TTC39B: variants seen among roughly 807,000 people sequenced by gnomAD.
TTC39B encodes tetratricopeptide repeat protein 39B.
TTC39B carries 92 observed loss-of-function variants against 96.6 expected under a neutral mutation model. The ratio of observed to expected loss-of-function variants is 0.95; its 90% CI spans 0.80 to 1.13. TTC39B has a LOEUF of 1.13. Ranked by LOEUF, TTC39B falls within the 50% of genes most tolerant of loss-of-function variation. The pLI, the probability that TTC39B is intolerant of heterozygous loss-of-function variation, is 0.00. For missense variants in TTC39B, 955 were observed against 809.3 expected (o/e 1.18, Z -2.18); for synonymous variants, 367 against 299.4 (o/e 1.23, Z -2.33).
chr9:15,274,349 T>C (rs1294790124), intron 1 of TTC39B, among the ~76,000 whole-genome samples: 1 of 152,226 alleles, frequency 6.6e-6, no homozygotes, highest in Non-Finnish European at 1.5e-5. Flanking sequence ...ATTTAAACTC[T>C]CCAACTAAAT....
intron 2 of TTC39B, among the ~76,000 whole-genome samples, chr9:15,232,894 G>T (rs541069199): frequency 6.6e-6 from 1 of 152,182 alleles, no homozygotes; most frequent in African/African-American, 2.4e-5. Context: ...GCTGCTGCAG[G>T]GCCAGTGGTG....
At position 15,244,663 on chromosome 9, in the gene TTC39B, T is replaced by G. The variant is rs552505648; in HGVS notation, c.276-18651A>C. Among the ~76,000 whole-genome samples the G allele has an allele frequency of 3.5e-4, 54 of 152,312 alleles. No individual in the cohort carries two copies. The South Asian group carries it at 0.011, about 31-fold the overall frequency. On this transcript the variant is annotated intron_variant, in intron 2 of 19. Coordinates refer to ENST00000512701, the Ensembl canonical transcript of TTC39B. Reference sequence around the variant, plus strand: ...AAGAACTTCCCATTAGACAGACCATTATATTCCTGCTATTCAGCAGTTCTG... The same window carrying G: ...AAGAACTTCCCATTAGACAGACCATGATATTCCTGCTATTCAGCAGTTCTG...
intron 3 of TTC39B, among the ~76,000 whole-genome samples, chr9:15,222,821 C>T (rs1416633327): frequency 6.6e-6 from 1 of 152,192 alleles, no homozygotes; most frequent in East Asian, 1.9e-4. Flanking sequence ...ATAAAAAAGA[C>T]ACACTTTCTC....
chr9:15,163,962 T>C (rs1051240031), exon 20 of TTC39B: 1 of 152,152 alleles, frequency 6.6e-6, no homozygotes, highest in Non-Finnish European at 1.5e-5. Flanking sequence ...TAACACAAAA[T>C]CAGCAAGAGA....
chr9:15,269,058 T>C (rs1055754784), intron 1 of TTC39B, among the ~76,000 whole-genome samples: 4 of 152,180 alleles, frequency 2.6e-5, no homozygotes, highest in African/African-American at 4.8e-5. Flanking sequence ...CACTGTCCCC[T>C]TTCTTATAAT....
chr9:15,279,478 G>T (rs1230550289), intron 1 of TTC39B, among the ~76,000 whole-genome samples: 1 of 152,172 alleles, frequency 6.6e-6, no homozygotes, highest in African/African-American at 2.4e-5. Flanking sequence ...CTCTATCTGG[G>T]TTCAAATCCC....
chr9:15,292,777 T>C (rs947636181), intron 1 of TTC39B, among the ~76,000 whole-genome samples: 1 of 152,200 alleles, frequency 6.6e-6, no homozygotes, highest in Non-Finnish European at 1.5e-5. Context: ...AATAAGGATA[T>C]AAAGAAAATA....
chr9:15,183,775 G>A (rs1818375175), intron 16 of TTC39B, among the ~76,000 whole-genome samples: 1 of 152,192 alleles, frequency 6.6e-6, no homozygotes, highest in Non-Finnish European at 1.5e-5. Flanking sequence ...ATGTGAGCTG[G>A]GAGAGGGAGA....
chr9:15,271,324 T>C (rs1823344630), intron 1 of TTC39B, among the ~76,000 whole-genome samples: 1 of 152,160 alleles, frequency 6.6e-6, no homozygotes, highest in African/African-American at 2.4e-5. Context: ...GGATTTTTAG[T>C]GGCGAAAAAG....
chr9:15,271,311 A>G (rs941777755), intron 1 of TTC39B, among the ~76,000 whole-genome samples: 5 of 152,188 alleles, frequency 3.3e-5, no homozygotes, highest in Admixed American at 1.3e-4. Context: ...ATGTTGACTT[A>G]CAGGATTTTT....
chr9:15,239,467 T>C (rs1396222170), intron 2 of TTC39B, among the ~76,000 whole-genome samples: 5 of 152,230 alleles, frequency 3.3e-5, no homozygotes, highest in Non-Finnish European at 5.9e-5. Flanking sequence ...CCTGCACTCA[T>C]ATGTTTATCA....
intron 2 of TTC39B, among the ~76,000 whole-genome samples, chr9:15,250,502 T>TA (rs113376446): frequency 2.9e-4 from 44 of 152,130 alleles, no homozygotes; most frequent in African/African-American, 8.5e-4. Context: ...TCATGGACTT[T>TA]AAAAAAATAC....
chr9:15,277,061 T>G (rs940315189), intron 1 of TTC39B, among the ~76,000 whole-genome samples: 4 of 152,178 alleles, frequency 2.6e-5, no homozygotes, highest in Admixed American at 2.0e-4. Context: ...GTTAACTCCC[T>G]TTGCCCTCTA....
intron 2 of TTC39B, among the ~76,000 whole-genome samples, chr9:15,246,229 G>GTT: frequency 6.6e-6 from 1 of 152,062 alleles, no homozygotes; most frequent in African/African-American, 2.4e-5. Context: ...CTCCAGCCTG[G>GTT]GCAACCAGAG....
chr9:15,269,791 G>A (rs978780547), intron 1 of TTC39B, among the ~76,000 whole-genome samples: 23 of 149,596 alleles, frequency 1.5e-4, no homozygotes, highest in Admixed American at 4.0e-4. Context: ...GGAGGCGGAC[G>A]TTACAGTGAG....
intron 8 of TTC39B, among the ~76,000 whole-genome samples, chr9:15,197,879 C>CAAAAT (rs1424636236): frequency 6.6e-6 from 1 of 151,948 alleles, no homozygotes; most frequent in East Asian, 1.9e-4. Flanking sequence ...ACTCAGAATA[C>CAAAAT]TATAGTTAGC....
intron 2 of TTC39B, chr9:15,250,349 G>A (rs1227468958): frequency 4.9e-6 from 2 of 404,976 alleles, no homozygotes; most frequent in East Asian, 1.6e-4. Context: ...AAAAACCACA[G>A]AATATTTTCA....
At chr9:15,178,376 C>A (rs1818072083) in intron 17 of TTC39B, among the ~76,000 whole-genome samples, 1 of 152,022 alleles carries the variant, frequency 6.6e-6, no homozygotes, top group African/African-American at 2.4e-5. Flanking sequence ...AGTTCAGGAC[C>A]AGCCTGGGCA....
At chr9:15,177,960 C>G in intron 17 of TTC39B, 146 bp from the exon 18 acceptor site, 3 of 469,074 alleles carry the variant, frequency 6.4e-6, no homozygotes, top group Non-Finnish European at 1.1e-5. Flanking sequence ...AGCTCCGTCT[C>G]CCGGGTTCAC....
Sources: gnomAD v4.1 joint callset for allele counts (sites outside exome capture counted in the v4.1 genomes callset) on GRCh38, gnomAD v4.1.1 for gene constraint, MANE v1.5 for transcripts, NCBI Gene and HGNC (gene_info 2026-07-23, HGNC 2026-07-21) for gene names.